The following HAVCR1 variants were observed in gnomAD, a reference collection of about 807,000 sequenced individuals.
HAVCR1 encodes the protein T cell immunoglobin domain and mucin domain protein 1.
In HAVCR1, 34 loss-of-function variants were observed where a neutral mutation model predicts 32.0. The ratio of observed to expected loss-of-function variants is 1.06; its 90% CI spans 0.81 to 1.42. The LOEUF (loss-of-function observed/expected upper bound fraction) is 1.42, where lower values mean the gene tolerates loss of function less well. Among genes scored for constraint, HAVCR1 ranks in the 40% most tolerant of loss-of-function variants. HAVCR1 has a pLI of 0.00. For missense variants in HAVCR1, 420 were observed against 442.3 expected, an observed-to-expected ratio of 0.95 and a Z score of 0.45; for synonymous variants, 178 against 170.3, an observed-to-expected ratio of 1.05 and a Z score of -0.35.
At chr5:157,061,201 A>G (rs960596909), upstream of HAVCR1, among the ~76,000 whole-genome samples, 2 of 152,138 alleles carry the variant, frequency 1.3e-5, no homozygotes, top group Non-Finnish European at 2.9e-5. Flanking sequence ...CCTGGCCTAA[A>G]AATTTTTATT....
rs1181873228 is a variant in HAVCR1 at position 157,058,998 on chromosome 5, T to G, written c.-90A>C. The G allele has an allele frequency of 7.9e-5, 12 of 152,156 alleles. 1 individual carries two copies. The highest frequency in any genetic ancestry group is 5.9e-4 in the Admixed American group (9 of 15,262). 9.4% of individuals were successfully genotyped at this position (152,156 alleles called of 1,614,324 possible). A position where few individuals can be genotyped will look rare whatever the true frequency, so the allele number is the denominator to read the frequency against. On this transcript the variant is annotated 5_prime_UTR_variant, in exon 1 of 9. Transcript: ENST00000523175. ...GAGTTCTCTTCAAACCTCTATTTCC[T>G]CAGTTGTAAAATAGCACTAAAAATG...
chr5:157,050,360 C>T (rs1448896400), intron 4 of HAVCR1, among the ~76,000 whole-genome samples: 1 of 152,158 alleles, frequency 6.6e-6, no homozygotes, highest in African/African-American at 2.4e-5. Context: ...TTCTCCACTG[C>T]TCCTACAACC....
chr5:157,065,190 G>A, the HAVCR1 span, among the ~76,000 whole-genome samples: 1 of 152,188 alleles, frequency 6.6e-6, no homozygotes, highest in South Asian at 2.1e-4. Flanking sequence ...GTGGTGGCAG[G>A]TGCCTGTAGT....
intron 2 of HAVCR1, among the ~76,000 whole-genome samples, chr5:157,057,455 GAAAGAA>G (rs1561606276): frequency 6.8e-5 from 7 of 103,542 alleles, no homozygotes; most frequent in African/African-American, 1.0e-4. Context: ...AAGAAAGAAA[GAAAGAA>G]AGAGAATTGA....
At chr5:157,048,722 C>T (rs576813237) in intron 5 of HAVCR1, among the ~76,000 whole-genome samples, 8 of 151,986 alleles carry the variant, frequency 5.3e-5, no homozygotes, top group Non-Finnish European at 1.0e-4. Flanking sequence ...CCCAGCTACT[C>T]GGGAGGCTGA....
chr5:157,054,746 T>C (rs561991788), intron 3 of HAVCR1, among the ~76,000 whole-genome samples: 11 of 152,298 alleles, frequency 7.2e-5, no homozygotes, highest in Admixed American at 5.2e-4. Flanking sequence ...ACTGAACAAA[T>C]ACAGACTTTT....
chr5:157,061,036 T>C (rs1352453322), upstream of HAVCR1, among the ~76,000 whole-genome samples: 3 of 152,106 alleles, frequency 2.0e-5, no homozygotes, highest in African/African-American at 7.2e-5. Flanking sequence ...TAGCTGGGAC[T>C]ACAGACACGC....
At chr5:157,042,883 T>C (rs1203382759) in intron 5 of HAVCR1, among the ~76,000 whole-genome samples, 1 of 152,244 alleles carries the variant, frequency 6.6e-6, no homozygotes, top group East Asian at 1.9e-4. Flanking sequence ...TTAACCTTTC[T>C]GTCACCGGCT....
At chr5:157,038,136 G>T (rs1338178164) in intron 6 of HAVCR1, among the ~76,000 whole-genome samples, 3 of 152,304 alleles carry the variant, frequency 2.0e-5, no homozygotes, top group Non-Finnish European at 4.4e-5. Flanking sequence ...TGTAATAGAA[G>T]ATTCTGTCTC....
chr5:157,029,481 A>T lies in HAVCR1; in HGVS notation c.*252T>A. On this transcript the variant is annotated 3_prime_UTR_variant, in exon 9 of 9. Transcript: ENST00000523175. Reference sequence around the variant, plus strand: ...TACAATTATAAAGTGTTCATATTTGAGAGAAAACTGCAATGATCAGAAGGA... The same window carrying T: ...TACAATTATAAAGTGTTCATATTTGTGAGAAAACTGCAATGATCAGAAGGA... 1 of 774,930 alleles carries T rather than the reference A, an allele frequency of 1.3e-6. No homozygotes were observed. The highest frequency in any genetic ancestry group is 2.1e-6 in the Non-Finnish European group (1 of 480,496). The allele number at this position is 774,930 out of a possible 1,614,324, so 48.0% of individuals were successfully genotyped here. A position where few individuals can be genotyped will look rare whatever the true frequency, so the allele number is the denominator to read the frequency against.
chr5:157,054,214 C>T lies in HAVCR1; in HGVS notation c.379+987G>A, dbSNP rs74762647. Reference sequence around the variant, plus strand: ...TCAAAAAAAAAAAAAAAAAAAAAAACAAAGGCCCTGCATGGTGGCTTACAC... The same window carrying T: ...TCAAAAAAAAAAAAAAAAAAAAAAATAAAGGCCCTGCATGGTGGCTTACAC... On this transcript the variant is annotated intron_variant, in intron 3 of 8. Transcript: ENST00000523175. Among the ~76,000 whole-genome samples the T allele has an allele frequency of 1.7e-3, 195 of 112,218 alleles. 1 individual carries two copies. Among genetic ancestry groups the T allele is most frequent in the African/African-American group, 6.4e-3 (187 of 29,086 alleles). The allele number at this position is 112,218 out of a possible 152,430, so 73.6% of individuals were successfully genotyped here. A position where few individuals can be genotyped will look rare whatever the true frequency, so the allele number is the denominator to read the frequency against.
intron 6 of HAVCR1, among the ~76,000 whole-genome samples, chr5:157,039,888 T>C (rs941277092): frequency 6.6e-6 from 1 of 152,166 alleles, no homozygotes. Context: ...CATCTTGACA[T>C]CTTCAGTCAA....
upstream of HAVCR1, among the ~76,000 whole-genome samples, chr5:157,059,455 AC>A (rs1561608529): frequency 6.6e-6 from 1 of 151,944 alleles, no homozygotes; most frequent in East Asian, 1.9e-4. Context: ...TAGGCCAGTC[AC>A]CTGAGGTCGG....
At chr5:157,031,276 C>T (rs907120471) in intron 8 of HAVCR1, among the ~76,000 whole-genome samples, 8 of 152,168 alleles carry the variant, frequency 5.3e-5, no homozygotes, top group Non-Finnish European at 7.3e-5. Context: ...CAGACAGGTT[C>T]TGTGGATTGG....
intron 7 of HAVCR1, among the ~76,000 whole-genome samples, chr5:157,033,772 G>T (rs1319637559): frequency 2.0e-5 from 3 of 152,136 alleles, no homozygotes; most frequent in Admixed American, 2.0e-4. Context: ...CTAAGAAAAG[G>T]GTATTTAAGG....
intron 7 of HAVCR1, among the ~76,000 whole-genome samples, chr5:157,033,912 G>A (rs1344511092): frequency 6.6e-6 from 1 of 152,124 alleles, no homozygotes; most frequent in East Asian, 1.9e-4. Flanking sequence ...AATCATTCGG[G>A]TGTGGTGGCA....
At chr5:157,052,236 G>A in intron 4 of HAVCR1, 125 bp downstream of exon 4, 2 of 787,130 alleles carry the variant, frequency 2.5e-6, no homozygotes, top group Non-Finnish European at 4.2e-6. Context: ...ACCCTGAGGA[G>A]ACCCTGATTG....
chr5:157,062,235 C>T (rs765266259), upstream of HAVCR1, among the ~76,000 whole-genome samples: 1 of 151,914 alleles, frequency 6.6e-6, no homozygotes, highest in East Asian at 1.9e-4. Context: ...GGGCCGGGCA[C>T]GGTGGTGGGT....
chr5:157,067,583 A>G, the HAVCR1 span, among the ~76,000 whole-genome samples: 1 of 152,214 alleles, frequency 6.6e-6, no homozygotes, highest in East Asian at 1.9e-4. Context: ...AGATTGAAGG[A>G]TCAATTGAGC....
Sources: allele counts gnomAD v4.1 joint callset (sites outside exome capture counted in the v4.1 genomes callset), GRCh38; gene constraint gnomAD v4.1.1; transcripts MANE v1.5; gene names NCBI Gene and HGNC (gene_info 2026-07-23, HGNC 2026-07-21).